TMEM272: variants seen among roughly 807,000 people sequenced by gnomAD.
TMEM272 encodes long intergenic non-protein coding RNA 282.
Under a neutral mutation model 3.7 loss-of-function variants are expected in TMEM272, and 8 were observed. That is an observed-to-expected ratio of 2.17 (90% CI 1.27 to 3.91). The LOEUF is 3.91. Among genes scored for constraint, TMEM272 ranks in the 30% most tolerant of loss-of-function variants. TMEM272 has a pLI of 0.00. For missense variants in TMEM272, 166 were observed against 91.5 expected, an observed-to-expected ratio of 1.81 and a Z score of -3.32; for synonymous variants, 63 against 39.8, an observed-to-expected ratio of 1.58 and a Z score of -2.20.
At chr13:51,821,956 T>C in intron 4 of TMEM272, 99 bp downstream of exon 4, 1 of 697,036 alleles carries the variant, frequency 1.4e-6, no homozygotes, top group Non-Finnish European at 2.6e-6. Flanking sequence ...GAAGTTGTTT[T>C]GTCTCCCCTG....
chr13:51,853,652 T>A, the TMEM272 span, among the ~76,000 whole-genome samples: 1 of 152,202 alleles, frequency 6.6e-6, no homozygotes, highest in Non-Finnish European at 1.5e-5. Context: ...CCTAATGGAA[T>A]AAATTAATTT....
At chr13:51,879,853 G>A in the TMEM272 span, among the ~76,000 whole-genome samples, 300 of 152,310 alleles carry the variant, frequency 2.0e-3, no homozygotes, top group African/African-American at 6.8e-3. Context: ...TAGGAATGTG[G>A]AGAAAGGTCA....
At chr13:51,862,757 C>T in the TMEM272 span, among the ~76,000 whole-genome samples, 1 of 152,134 alleles carries the variant, frequency 6.6e-6, no homozygotes, top group Admixed American at 6.5e-5. Context: ...AGGGGGCCAG[C>T]ATGACATGGA....
rs568591466 is a variant in TMEM272 at position 51,815,500 on chromosome 13, G to A, written c.*1251C>T. 5.2e-5 allele frequency: 8 copies of A among 152,484 alleles called. No homozygotes were observed. Among genetic ancestry groups the A allele is most frequent in the Non-Finnish European group, 1.2e-4 (8 of 68,036 alleles). 9.4% of individuals were successfully genotyped at this position (152,484 alleles called of 1,614,324 possible). On this transcript the variant is annotated 3_prime_UTR_variant, in exon 5 of 5. Transcript: ENST00000629372. ...GTGCCTCCATTCATGGCCACTCAGG[G>A]ATTGGTTTGATGAGAAAGCACGAAA...
chr13:51,879,324 A>G, the TMEM272 span, among the ~76,000 whole-genome samples: 3 of 150,346 alleles, frequency 2.0e-5, no homozygotes, highest in East Asian at 3.9e-4. Context: ...GTACCCATAT[A>G]AGACTTTCGC....
chr13:51,886,226 A>G, the TMEM272 span, among the ~76,000 whole-genome samples: 1 of 152,244 alleles, frequency 6.6e-6, no homozygotes. Flanking sequence ...ACTCTGGAAA[A>G]AACAAAGAGG....
At chr13:51,927,654 C>T in the TMEM272 span, among the ~76,000 whole-genome samples, 7 of 152,298 alleles carry the variant, frequency 4.6e-5, no homozygotes, top group East Asian at 1.9e-4. Context: ...TTTACACTCA[C>T]GTCCTCAATC....
the TMEM272 span, among the ~76,000 whole-genome samples, chr13:51,914,809 C>G: frequency 6.6e-6 from 1 of 152,224 alleles, no homozygotes; most frequent in Non-Finnish European, 1.5e-5. Context: ...ACTCCAGGGG[C>G]ACATGTTAGA....
the TMEM272 span, among the ~76,000 whole-genome samples, chr13:51,852,868 G>A: frequency 1.4e-5 from 2 of 140,952 alleles, no homozygotes; most frequent in Non-Finnish European, 1.5e-5. Flanking sequence ...GGTAAAAAGA[G>A]CAAAACTCCG....
At chr13:51,924,542 C>A in the TMEM272 span, among the ~76,000 whole-genome samples, 2 of 152,168 alleles carry the variant, frequency 1.3e-5, no homozygotes, top group African/African-American at 4.8e-5. Context: ...AGGACCCCCA[C>A]TTCTGCATTC....
At chr13:51,871,841 CACAA>C in the TMEM272 span, among the ~76,000 whole-genome samples, 29 of 115,716 alleles carry the variant, frequency 2.5e-4, no homozygotes, top group East Asian at 1.4e-3. Context: ...CACACACACA[CACAA>C]ACAGAGACGC....
At chr13:51,906,399 C>A in the TMEM272 span, among the ~76,000 whole-genome samples, 3 of 152,100 alleles carry the variant, frequency 2.0e-5, no homozygotes, top group African/African-American at 7.2e-5. Context: ...GACAGGGAGC[C>A]CCTAGAGCTT....
At chr13:51,864,768 A>G in the TMEM272 span, among the ~76,000 whole-genome samples, 3,297 of 152,250 alleles carry the variant, frequency 0.022, 62 homozygotes, top group Non-Finnish European at 0.032. Flanking sequence ...ATTACTAAAT[A>G]TTGTGTGAGG....
At chr13:51,867,647 G>T in the TMEM272 span, among the ~76,000 whole-genome samples, 1 of 152,152 alleles carries the variant, frequency 6.6e-6, no homozygotes, top group Non-Finnish European at 1.5e-5. Context: ...AATTGGCGCT[G>T]GGAAAGTCTG....
At chr13:51,871,784 C>T in the TMEM272 span, among the ~76,000 whole-genome samples, 1 of 100,606 alleles carries the variant, frequency 9.9e-6, no homozygotes, top group Non-Finnish European at 2.0e-5. Flanking sequence ...TAATCTCCCC[C>T]TACACACACA....
At chr13:51,849,334 C>T (rs1956320855), upstream of TMEM272, among the ~76,000 whole-genome samples, 1 of 152,096 alleles carries the variant, frequency 6.6e-6, no homozygotes, top group Non-Finnish European at 1.5e-5. Flanking sequence ...TCACCAGGGG[C>T]TGGAGGAAGG....
the TMEM272 span, chr13:51,865,634 T>C: frequency 6.2e-7 from 1 of 1,613,842 alleles, no homozygotes; most frequent in African/African-American, 1.3e-5. Flanking sequence ...GATCCTGGGT[T>C]TTTGGGAAGA....
chr13:51,931,191 G>C, the TMEM272 span, among the ~76,000 whole-genome samples: 1 of 151,518 alleles, frequency 6.6e-6, no homozygotes, highest in Non-Finnish European at 1.5e-5. Flanking sequence ...GTTCACAATA[G>C]TAAAGGCTTG....
intron 4 of TMEM272, among the ~76,000 whole-genome samples, chr13:51,820,292 G>A (rs965170746): frequency 2.6e-5 from 4 of 152,046 alleles, no homozygotes; most frequent in African/African-American, 9.7e-5. Context: ...TGCATTTCAC[G>A]AAGGATGTTG....
Sources: gnomAD v4.1 joint callset for allele counts (sites outside exome capture counted in the v4.1 genomes callset) on GRCh38, gnomAD v4.1.1 for gene constraint, MANE v1.5 for transcripts, NCBI Gene and HGNC (gene_info 2026-07-23, HGNC 2026-07-21) for gene names.